The following VWC2 variants were observed in gnomAD, a reference collection of about 807,000 sequenced individuals.
VWC2 encodes brorin.
VWC2 carries 14 observed loss-of-function variants against 29.8 expected under a neutral mutation model. The ratio of observed to expected loss-of-function variants is 0.47; its 90% confidence interval spans 0.31 to 0.74. The LOEUF (loss-of-function observed/expected upper bound fraction) is 0.74, where lower values mean the gene tolerates loss of function less well. VWC2 is among the 30% of genes least tolerant of loss of function. The pLI is 0.05. For synonymous variants in VWC2, 213 were observed against 199.0 expected, an observed-to-expected ratio of 1.07 and a Z score of -0.59; for missense variants, 457 against 459.8, an observed-to-expected ratio of 0.99 and a Z score of 0.05.
intron 2 of VWC2, among the ~76,000 whole-genome samples, chr7:49,785,693 C>T (rs181921094): frequency 6.6e-6 from 1 of 152,280 alleles, no homozygotes; most frequent in East Asian, 1.9e-4. Flanking sequence ...ATCTGATCAA[C>T]AGAAAACACA....
intron 3 of VWC2, among the ~76,000 whole-genome samples, chr7:49,857,602 T>A (rs191723728): frequency 6.6e-6 from 1 of 152,056 alleles, no homozygotes; most frequent in East Asian, 1.9e-4. Context: ...CCGTGAGACA[T>A]TACCTCACAA....
intron 2 of VWC2, among the ~76,000 whole-genome samples, chr7:49,789,099 A>G (rs1464588821): frequency 1.8e-5 from 2 of 113,038 alleles, no homozygotes; most frequent in Middle Eastern, 4.9e-3. Context: ...TTTGGGTGTG[A>G]GAGAGAGATT....
intron 3 of VWC2, among the ~76,000 whole-genome samples, chr7:49,858,002 C>A (rs77152891): frequency 0.038 from 5,712 of 152,202 alleles, 148 homozygotes; most frequent in Middle Eastern, 0.078. Flanking sequence ...TTATAGAGTT[C>A]CCCTGTAACC....
intron 3 of VWC2, among the ~76,000 whole-genome samples, chr7:49,844,485 T>C (rs34903333): frequency 0.18 from 26,641 of 152,150 alleles, 3,010 homozygotes; most frequent in African/African-American, 0.31. Flanking sequence ...ATATTTATAC[T>C]ATGTTACTCA....
rs373526367 is a variant in VWC2, at chr7:49,880,394, ATGTT to A, written c.827-31635_827-31632del. ...AACTTTGGGTTTCTTTCATGTTACC[ATGTT>A]TGTTAGGCATTTGTAGCATTTTGTT... On this transcript the variant is annotated intron_variant, in intron 3 of 3. Coordinates refer to ENST00000340652, the MANE Select transcript of VWC2 (RefSeq NM_198570.5). 7.9e-5 allele frequency among the ~76,000 whole-genome samples: 12 copies of A among 151,892 alleles called. No individual in the cohort carries two copies. The East Asian group carries it at 2.3e-3, about 29-fold the overall frequency.
chr7:49,842,164 G>A (rs929534817), intron 3 of VWC2, among the ~76,000 whole-genome samples: 20 of 152,098 alleles, frequency 1.3e-4, no homozygotes, highest in African/African-American at 4.8e-4. Context: ...CACCGCGCCT[G>A]GCCAATTCAA....
chr7:49,782,786 T>C (rs1364907776), intron 2 of VWC2, among the ~76,000 whole-genome samples: 2 of 151,866 alleles, frequency 1.3e-5, no homozygotes, highest in Non-Finnish European at 2.9e-5. Flanking sequence ...CCCAAGAATT[T>C]GAGGTTGCAG....
intron 3 of VWC2, among the ~76,000 whole-genome samples, chr7:49,885,006 A>T (rs1223505704): frequency 2.0e-5 from 3 of 152,116 alleles, no homozygotes; most frequent in African/African-American, 7.2e-5. Context: ...AATAGGATAT[A>T]AGTGTTGTAT....
At chr7:49,829,793 A>T (rs966823650) in intron 3 of VWC2, among the ~76,000 whole-genome samples, 5 of 152,234 alleles carry the variant, frequency 3.3e-5, no homozygotes, top group Non-Finnish European at 7.3e-5. Context: ...GAGTAAATAC[A>T]TTAAACAAAC....
chr7:49,832,823 C>T (rs1789567699), intron 3 of VWC2, among the ~76,000 whole-genome samples: 1 of 152,280 alleles, frequency 6.6e-6, no homozygotes, highest in African/African-American at 2.4e-5. Flanking sequence ...TGTGCTCTGT[C>T]CAGTTGTCAT....
At chr7:49,829,239 TAGC>T (rs1298975360) in intron 3 of VWC2, among the ~76,000 whole-genome samples, 1 of 152,264 alleles carries the variant, frequency 6.6e-6, no homozygotes, top group Non-Finnish European at 1.5e-5. Flanking sequence ...GATTTCTCTT[TAGC>T]AGTGCTTAGA....
intron 2 of VWC2, among the ~76,000 whole-genome samples, chr7:49,787,948 C>G (rs987019939): frequency 2.6e-5 from 4 of 152,162 alleles, no homozygotes; most frequent in African/African-American, 9.7e-5. Flanking sequence ...ACCATTGCGC[C>G]GTATGTCTGG....
chr7:49,814,272 A>G (rs1029406591), intron 3 of VWC2, among the ~76,000 whole-genome samples: 4 of 152,176 alleles, frequency 2.6e-5, no homozygotes, highest in Admixed American at 6.5e-5. Flanking sequence ...CTTTACTAAT[A>G]CTAACTCTGT....
chr7:49,789,921 A>G (rs1357286468), intron 2 of VWC2, among the ~76,000 whole-genome samples: 2 of 152,238 alleles, frequency 1.3e-5, no homozygotes, highest in Non-Finnish European at 2.9e-5. Context: ...GGGGGGCCCT[A>G]CGGCCCCTTG....
At chr7:49,901,661 A>T (rs1792735396) in intron 3 of VWC2, among the ~76,000 whole-genome samples, 2 of 151,934 alleles carry the variant, frequency 1.3e-5, no homozygotes, top group African/African-American at 4.8e-5. Context: ...ACAAAATCCC[A>T]GGAAGCAATT....
At chr7:49,809,778 A>G (rs185967727) in intron 3 of VWC2, among the ~76,000 whole-genome samples, 78 of 152,158 alleles carry the variant, frequency 5.1e-4, no homozygotes, top group African/African-American at 1.7e-3. Context: ...AAAACCACAT[A>G]TGATCTCAAC....
In VWC2 at chr7:49,788,377, A is replaced by T. The variant is rs184445310; in HGVS notation, c.696+12246A>T. On this transcript the variant is annotated intron_variant, in intron 2 of 3. Coordinates refer to ENST00000340652, the MANE Select transcript of VWC2 (RefSeq NM_198570.5). ...TTGGTCATCTTCACTTCCTGCTTGT[A>T]GTGGGCATTGTCACTGCCATCTCAA... is the stretch of plus-strand genomic sequence containing the variant. Among the ~76,000 whole-genome samples the T allele has an allele frequency of 2.0e-5, 3 of 152,226 alleles. No individual in the cohort carries two copies. The East Asian group carries it at 5.8e-4, about 29-fold the overall frequency.
At position 49,777,652 on chromosome 7, in the gene VWC2, A is replaced by C. The variant is rs957327453; in HGVS notation, c.696+1521A>C. 6.6e-5 allele frequency among the ~76,000 whole-genome samples: 10 copies of C among 152,322 alleles called. No individual in the cohort carries two copies. In the East Asian group the frequency reaches 1.9e-3, roughly 29 times the overall value. ...GAAAGACAACTGGGATGAGCAACTC[A>C]TATGAACCACGCCCAGGCCATGCAA... is the stretch of plus-strand genomic sequence containing the variant. On this transcript the variant is annotated intron_variant, in intron 2 of 3. Transcript: ENST00000340652.
chr7:49,813,338 C>T (rs773197971), intron 3 of VWC2, among the ~76,000 whole-genome samples: 3 of 152,232 alleles, frequency 2.0e-5, no homozygotes, highest in Admixed American at 6.5e-5. Flanking sequence ...AGAACCACTT[C>T]GAAGGCCTGG....
Sources: gnomAD v4.1 joint callset for allele counts (sites outside exome capture counted in the v4.1 genomes callset) on GRCh38, gnomAD v4.1.1 for gene constraint, MANE v1.5 for transcripts, NCBI Gene and HGNC (gene_info 2026-07-23, HGNC 2026-07-21) for gene names.